LHFPL3: variants seen among roughly 807,000 people sequenced by gnomAD.
LHFPL3 encodes LHFPL tetraspan subfamily member 3.
A neutral mutation model predicts 19.3 loss-of-function variants in LHFPL3; 5 were observed. That is an observed-to-expected ratio of 0.26 (90% confidence interval 0.14 to 0.54). The LOEUF is 0.54. Among genes scored for constraint, LHFPL3 ranks in the 20% least tolerant of loss-of-function variants. The pLI is 0.94. For synonymous variants in LHFPL3, 133 were observed against 126.2 expected, an observed-to-expected ratio of 1.05 and a Z score of -0.36; for missense variants, 249 against 307.4, an observed-to-expected ratio of 0.81 and a Z score of 1.42.
intron 1 of LHFPL3, among the ~76,000 whole-genome samples, chr7:104,725,896 C>A (rs1562974071): frequency 6.6e-6 from 1 of 151,484 alleles, no homozygotes; most frequent in African/African-American, 2.4e-5. Context: ...ACTAAAAATA[C>A]AAAAAATTAG....
intron 1 of LHFPL3, among the ~76,000 whole-genome samples, chr7:104,553,459 G>T (rs1794699010): frequency 6.6e-6 from 1 of 152,184 alleles, no homozygotes. Flanking sequence ...AGGAGGGAAT[G>T]ACTTGAACCA....
At chr7:104,530,875 T>C (rs899527903) in intron 1 of LHFPL3, among the ~76,000 whole-genome samples, 1 of 152,216 alleles carries the variant, frequency 6.6e-6, no homozygotes, top group Non-Finnish European at 1.5e-5. Flanking sequence ...ACTTGTCTGG[T>C]AATAAACAGT....
intron 1 of LHFPL3, among the ~76,000 whole-genome samples, chr7:104,699,130 G>A (rs528211444): frequency 5.9e-5 from 9 of 152,290 alleles, no homozygotes; most frequent in East Asian, 3.9e-4. Flanking sequence ...AAAATGATAC[G>A]GTGATTCCTC....
chr7:104,704,400 A>G (rs1260027124), intron 1 of LHFPL3, among the ~76,000 whole-genome samples: 1 of 152,170 alleles, frequency 6.6e-6, no homozygotes, highest in Non-Finnish European at 1.5e-5. Context: ...TCCTAGTCAT[A>G]TGAGTATTCA....
chr7:104,864,375 AG>A (rs1258249689), intron 2 of LHFPL3, among the ~76,000 whole-genome samples: 1 of 146,936 alleles, frequency 6.8e-6, no homozygotes, highest in African/African-American at 2.6e-5. Flanking sequence ...CAAAAAAAAA[AG>A]GGGTGACAGA....
rs575509048 is a variant in LHFPL3 at position 104,882,399 on chromosome 7, C to T, written c.683-23788C>T. 3.9e-5 allele frequency among the ~76,000 whole-genome samples: 6 copies of T among 152,262 alleles called. No homozygotes were observed. The South Asian group carries it at 1.2e-3, about 32-fold the overall frequency. ...AGTAGCTGAGATTACAGGCACACAC[C>T]ACCACACCCAGCTAATTTTTGTATT... On this transcript the variant is annotated intron_variant, in intron 2 of 2. Transcript: ENST00000424859.
chr7:104,430,972 GATAA>G (rs1282269423), intron 1 of LHFPL3, among the ~76,000 whole-genome samples: 1 of 151,770 alleles, frequency 6.6e-6, no homozygotes, highest in Non-Finnish European at 1.5e-5. Context: ...CAGACCAGAT[GATAA>G]ATAAATAAAT....
chr7:104,524,653 T>C (rs573246040), intron 1 of LHFPL3, among the ~76,000 whole-genome samples: 7 of 152,240 alleles, frequency 4.6e-5, no homozygotes, highest in African/African-American at 1.4e-4. Flanking sequence ...TAAAATCTTA[T>C]CCACAAAAAA....
intron 1 of LHFPL3, among the ~76,000 whole-genome samples, chr7:104,456,732 G>T (rs529507346): frequency 2.2e-4 from 33 of 152,186 alleles, no homozygotes; most frequent in Admixed American, 5.2e-4. Flanking sequence ...CTTTTTGAAC[G>T]CAAGCACTAT....
chr7:104,905,638 G>A (rs146869923), intron 2 of LHFPL3, among the ~76,000 whole-genome samples: 1 of 152,238 alleles, frequency 6.6e-6, no homozygotes, highest in African/African-American at 2.4e-5. Context: ...TGTCTTTAAT[G>A]TAATGTTTAA....
intron 1 of LHFPL3, among the ~76,000 whole-genome samples, chr7:104,648,304 G>A (rs763279926): frequency 6.6e-6 from 1 of 152,108 alleles, no homozygotes; most frequent in African/African-American, 2.4e-5. Context: ...GTGCTCAGAC[G>A]CTTTCTAGAT....
At chr7:104,491,995 C>A (rs909940727) in intron 1 of LHFPL3, among the ~76,000 whole-genome samples, 4 of 152,082 alleles carry the variant, frequency 2.6e-5, no homozygotes, top group African/African-American at 9.7e-5. Context: ...GGTCTATGTT[C>A]CAAGGAAATG....
chr7:104,705,625 A>G (rs763808114), intron 1 of LHFPL3, among the ~76,000 whole-genome samples: 1 of 151,860 alleles, frequency 6.6e-6, no homozygotes, highest in Non-Finnish European at 1.5e-5. Context: ...TTTTTTTTGC[A>G]TCTTCATAGT....
intron 1 of LHFPL3, among the ~76,000 whole-genome samples, chr7:104,421,557 A>G (rs1443222223): frequency 2.6e-5 from 4 of 152,322 alleles, no homozygotes; most frequent in African/African-American, 9.6e-5. Context: ...GAACTGGAGG[A>G]AATGAAATCT....
chr7:104,491,090 G>A (rs902444972), intron 1 of LHFPL3, among the ~76,000 whole-genome samples: 1 of 152,148 alleles, frequency 6.6e-6, no homozygotes, highest in African/African-American at 2.4e-5. Flanking sequence ...TCAGAGAACA[G>A]AAGCCATGGG....
intron 1 of LHFPL3, among the ~76,000 whole-genome samples, chr7:104,568,293 G>A (rs1458516449): frequency 6.6e-6 from 1 of 152,170 alleles, no homozygotes; most frequent in Non-Finnish European, 1.5e-5. Flanking sequence ...ATGCTATGTG[G>A]CACTTTTCAT....
rs370045563 is a variant in LHFPL3, at chr7:104,672,452, A to G, written c.446-64223A>G. 1.1e-4 allele frequency among the ~76,000 whole-genome samples: 17 copies of G among 152,282 alleles called. No homozygotes were observed. In the South Asian group the frequency reaches 3.5e-3, roughly 32 times the overall value. On this transcript the variant is annotated intron_variant, in intron 1 of 2. Transcript: ENST00000424859. ...AGTGAATGTATTGAATAAATGCTGG[A>G]ATGAATGCGTAAGTGAGTAAGGAGT...
At chr7:104,454,000 C>G (rs1409717231) in intron 1 of LHFPL3, among the ~76,000 whole-genome samples, 1 of 152,120 alleles carries the variant, frequency 6.6e-6, no homozygotes, top group Non-Finnish European at 1.5e-5. Flanking sequence ...ACTACCCGGG[C>G]TCAGATATTT....
intron 1 of LHFPL3, among the ~76,000 whole-genome samples, chr7:104,497,123 G>A (rs1465747649): frequency 6.6e-6 from 1 of 151,734 alleles, no homozygotes; most frequent in Non-Finnish European, 1.5e-5. Context: ...TAGATTATCT[G>A]ATTACCATTA....
Sources: allele counts gnomAD v4.1 joint callset (sites outside exome capture counted in the v4.1 genomes callset), GRCh38; gene constraint gnomAD v4.1.1; transcripts MANE v1.5; gene names NCBI Gene and HGNC (gene_info 2026-07-23, HGNC 2026-07-21).